SLC13A1: variants seen among roughly 807,000 people sequenced by gnomAD.
SLC13A1 encodes solute carrier family 13 member 1, also known as Na(+)/sulfate cotransporter.
SLC13A1 carries 65 observed loss-of-function variants against 70.0 expected under a neutral mutation model. The ratio of observed to expected loss-of-function variants is 0.93; its 90% CI spans 0.76 to 1.14. The LOEUF is 1.14. SLC13A1 is among the 50% of genes most tolerant of loss of function. SLC13A1 has a pLI of 0.00. For synonymous variants in SLC13A1, 275 were observed against 250.5 expected (o/e 1.10, Z -0.92); for missense variants, 726 against 717.8 (o/e 1.01, Z -0.13).
At position 123,199,932 on chromosome 7, in the gene SLC13A1, A is replaced by G. The variant is rs141951667; in HGVS notation, c.15T>C (p.Ser5=). 1,422 of 1,612,604 alleles carry G rather than the reference A, an allele frequency of 8.8e-4. No homozygotes were observed. Among genetic ancestry groups the G allele is most frequent in the Non-Finnish European group, 1.1e-3 (1,336 of 1,179,112 alleles). MKFF[S]YILVYRRFLF... ...GAAATCGGCGATAAACCAGAATGTAACTGAAGAATTTCATTGTCCTGAGCA... is the reference window on the plus strand; with the variant it reads ...GAAATCGGCGATAAACCAGAATGTAGCTGAAGAATTTCATTGTCCTGAGCA... Residue 5 remains serine, a synonymous_variant, in exon 1 of 15, where the codon AGT becomes AGC. Coordinates refer to ENST00000194130, the MANE Select transcript of SLC13A1 (RefSeq NM_022444.4).
chr7:123,142,660 G>GAGTCTTACTCGATTGCCC (rs140530822), intron 7 of SLC13A1, among the ~76,000 whole-genome samples: 1 of 132,690 alleles, frequency 7.5e-6, no homozygotes, highest in Admixed American at 7.4e-5. Flanking sequence ...TTTTTTGATG[G>GAGTCTTACTCGATTGCCC]AGGCTGGAGT....
At chr7:123,128,560 G>T (rs1017807016) in intron 10 of SLC13A1, among the ~76,000 whole-genome samples, 14 of 152,034 alleles carry the variant, frequency 9.2e-5, no homozygotes, top group African/African-American at 3.1e-4. Context: ...TTCAGGGATG[G>T]GAATAATTTT....
intron 9 of SLC13A1, 29 bp from the exon 10 acceptor site, chr7:123,128,975 C>T (rs767945215): frequency 6.9e-7 from 1 of 1,445,246 alleles, no homozygotes; most frequent in South Asian, 1.2e-5. Context: ...GGCATCACTT[C>T]TTATTTTCTC....
intron 12 of SLC13A1, among the ~76,000 whole-genome samples, chr7:123,122,667 T>G (rs555703864): frequency 8.5e-5 from 13 of 152,302 alleles, no homozygotes; most frequent in African/African-American, 3.1e-4. Context: ...TAATTATCTT[T>G]AAAGCTAATA....
intron 6 of SLC13A1, chr7:123,149,383 C>A: frequency 4.8e-6 from 2 of 416,840 alleles, no homozygotes; most frequent in Non-Finnish European, 9.5e-6. Flanking sequence ...TTGACCTTTT[C>A]TAAGTCTAAG....
chr7:123,180,951 T>A, intron 2 of SLC13A1, 22 bp downstream of exon 2: 4 of 1,597,080 alleles, frequency 2.5e-6, no homozygotes, highest in Non-Finnish European at 3.4e-6. Flanking sequence ...AATCAACTTA[T>A]GACATTGGCA....
chr7:123,177,882 T>C (rs2116597961), intron 2 of SLC13A1, among the ~76,000 whole-genome samples: 1 of 152,232 alleles, frequency 6.6e-6, no homozygotes, highest in Non-Finnish European at 1.5e-5. Context: ...TTGCCTCCTT[T>C]CCTCTAGAAA....
chr7:123,150,284 G>C (rs1384696781), intron 6 of SLC13A1, among the ~76,000 whole-genome samples: 2 of 152,082 alleles, frequency 1.3e-5, no homozygotes, highest in Non-Finnish European at 2.9e-5. Flanking sequence ...GCAGACAATG[G>C]TATCACTGTG....
chr7:123,186,686 C>A (rs1000568697), intron 1 of SLC13A1: 1 of 452,036 alleles, frequency 2.2e-6, no homozygotes, highest in Admixed American at 2.4e-5. Flanking sequence ...CTTCCTCCCC[C>A]ACAACCTACC....
intron 2 of SLC13A1, among the ~76,000 whole-genome samples, chr7:123,173,332 A>G (rs1795335364): frequency 6.6e-6 from 1 of 152,214 alleles, no homozygotes; most frequent in African/African-American, 2.4e-5. Flanking sequence ...TTTATATTTT[A>G]TAAAATGTTC....
chr7:123,118,397 T>G (rs905050390), intron 13 of SLC13A1, among the ~76,000 whole-genome samples: 15 of 152,302 alleles, frequency 9.8e-5, no homozygotes, highest in Non-Finnish European at 1.9e-4. Flanking sequence ...CATATGCCCT[T>G]TGAGCTTGTA....
intron 1 of SLC13A1, chr7:123,186,697 C>T (rs940639850): frequency 2.2e-6 from 1 of 454,160 alleles, no homozygotes. Context: ...ACAACCTACC[C>T]CCAAGTCTGC....
chr7:123,149,121 G>T (rs1200485641), intron 6 of SLC13A1, among the ~76,000 whole-genome samples: 1 of 152,092 alleles, frequency 6.6e-6, no homozygotes, highest in Non-Finnish European at 1.5e-5. Flanking sequence ...CATGGTGTCT[G>T]CATGTGATAG....
intron 14 of SLC13A1, among the ~76,000 whole-genome samples, chr7:123,116,214 T>C (rs1793176470): frequency 6.6e-6 from 1 of 152,214 alleles, no homozygotes; most frequent in African/African-American, 2.4e-5. Flanking sequence ...TCTCATGGTT[T>C]TAGCTCTTAT....
At chr7:123,194,130 G>C (rs990580355) in intron 1 of SLC13A1, among the ~76,000 whole-genome samples, 2 of 152,086 alleles carry the variant, frequency 1.3e-5, no homozygotes, top group South Asian at 4.1e-4. Flanking sequence ...AGTCTGGAGG[G>C]AGACACAAAG....
chr7:123,199,812 A>G, intron 1 of SLC13A1, 36 bp downstream of exon 1: 1 of 1,461,332 alleles, frequency 6.8e-7, no homozygotes, highest in East Asian at 2.3e-5. Context: ...TAAATAAGTC[A>G]GGAAATCCAC....
At chr7:123,161,098 A>G (rs1052835693) in intron 6 of SLC13A1, among the ~76,000 whole-genome samples, 2 of 151,762 alleles carry the variant, frequency 1.3e-5, no homozygotes, top group African/African-American at 4.8e-5. Flanking sequence ...AGAGAGGGTG[A>G]AAGGAGTCAG....
intron 2 of SLC13A1, among the ~76,000 whole-genome samples, chr7:123,174,533 A>G (rs867679413): frequency 2.4e-4 from 36 of 152,160 alleles, no homozygotes; most frequent in African/African-American, 8.4e-4. Flanking sequence ...CTGTTTACAC[A>G]TGACTACCTT....
chr7:123,120,398 C>T (rs1793335765), intron 12 of SLC13A1, among the ~76,000 whole-genome samples: 1 of 152,046 alleles, frequency 6.6e-6, no homozygotes, highest in East Asian at 1.9e-4. Flanking sequence ...AGCCATTACT[C>T]CATTTCCTGT....
Sources: allele counts gnomAD v4.1 joint callset (sites outside exome capture counted in the v4.1 genomes callset), GRCh38; gene constraint gnomAD v4.1.1; transcripts MANE v1.5; gene names NCBI Gene and HGNC (gene_info 2026-07-23, HGNC 2026-07-21).